The following CATSPERG variants were observed in gnomAD, a reference collection of about 807,000 sequenced individuals.
The protein encoded by CATSPERG is cation channel sperm-associated auxiliary subunit gamma.
Under a neutral mutation model 145.0 loss-of-function variants are expected in CATSPERG, and 115 were observed. The ratio of observed to expected loss-of-function variants is 0.79; its 90% confidence interval spans 0.68 to 0.93. The LOEUF (loss-of-function observed/expected upper bound fraction) is 0.93. CATSPERG is among the 40% of genes least tolerant of loss of function. The pLI is 0.00. For synonymous variants in CATSPERG, 588 were observed against 589.0 expected, an observed-to-expected ratio of 1.00 and a Z score of 0.02; for missense variants, 1,296 against 1,490.1, an observed-to-expected ratio of 0.87 and a Z score of 2.14.
At position 38,370,684 on chromosome 19, in the gene CATSPERG, G is replaced by A. The variant is rs1263097301; in HGVS notation, c.3372G>A (p.Ser1124=). ...CCTACGCCTCCATTTCCGGAATCTC[G>A]AGCATGCCGTCTCTGAGACATTCCA... ...YYTYASISGI[S]SMPSLRHSRM... The change falls in exon 29 of 29, where the codon TCG becomes TCA. Residue 1124 remains serine (S), a synonymous_variant. Transcript: ENST00000409235. The A allele has an allele frequency of 6.2e-6, 10 of 1,613,868 alleles. No homozygotes were observed. In the Admixed American group the frequency reaches 1.0e-4, roughly 16 times the overall value.
rs1376041020 is a variant in CATSPERG at position 38,370,052 on chromosome 19, T to C, written c.3101T>C (p.Leu1034Ser). The C allele has an allele frequency of 1.5e-5, 24 of 1,614,058 alleles. No homozygotes were observed. Among genetic ancestry groups the C allele is most frequent in the Non-Finnish European group, 1.7e-5 (20 of 1,180,036 alleles). The change falls in exon 27 of 29, where the codon TTG becomes TCG. Residue 1034 changes from leucine to serine, a missense_variant. Coordinates refer to ENST00000409235, the MANE Select transcript of CATSPERG (RefSeq NM_021185.5). Reference protein sequence around the residue: ...IFAPEFFFKVLVSNRGVDTST... With the variant: ...IFAPEFFFKVSVSNRGVDTST... Reference sequence around the variant, plus strand: ...GCCCCTGAATTCTTCTTCAAGGTGTTGGTGAGCAATAGGTGAGCCAGGCAA... The same window carrying C: ...GCCCCTGAATTCTTCTTCAAGGTGTCGGTGAGCAATAGGTGAGCCAGGCAA...
intron 6 of CATSPERG, among the ~76,000 whole-genome samples, chr19:38,344,852 AACAG>A (rs1700663347): frequency 8.3e-6 from 1 of 120,862 alleles, no homozygotes; most frequent in Non-Finnish European, 1.7e-5. Flanking sequence ...CCTGTACATG[AACAG>A]ACACACACAC....
rs751537581 is a variant in CATSPERG, at chr19:38,362,564, G to A, written c.2346G>A (p.Gln782=). Residue 782 remains glutamine (Q), a synonymous_variant, in exon 19 of 29, where the codon CAG becomes CAA. Coordinates refer to ENST00000409235, the MANE Select transcript of CATSPERG (RefSeq NM_021185.5). Reference sequence around the variant, plus strand: ...CGCAGGGCCACTCGTTCCGGACGCAGTCAGAACTCGGTCTGCGCGGGACCA... The same window carrying A: ...CGCAGGGCCACTCGTTCCGGACGCAATCAGAACTCGGTCTGCGCGGGACCA... ...LSAQGHSFRT[Q]SELGTAFQLH... 1.2e-6 allele frequency: 2 copies of A among 1,613,884 alleles called. No homozygotes were observed. The highest frequency in any genetic ancestry group is 1.1e-5 in the South Asian group (1 of 91,088).
intron 4 of CATSPERG, 53 bp downstream of exon 4, chr19:38,343,777 G>A: frequency 3.3e-6 from 5 of 1,525,594 alleles, no homozygotes; most frequent in Non-Finnish European, 4.4e-6. Flanking sequence ...TGTGGGGTTT[G>A]CTGGGGGCCT....
chr19:38,337,075 G>A (rs1266803818), intron 1 of CATSPERG, 146 bp from the exon 2 acceptor site: 11 of 968,308 alleles, frequency 1.1e-5, no homozygotes, highest in Non-Finnish European at 1.7e-5. Context: ...GCGGGACCAA[G>A]AGCAAGTGCA....
At chr19:38,336,301 GAC>G (rs1969834920) in intron 1 of CATSPERG, 1 of 436,462 alleles carries the variant, frequency 2.3e-6, no homozygotes, top group Non-Finnish European at 4.7e-6. Context: ...GAGGCGAAGA[GAC>G]AGTTTTCATC....
At position 38,367,248 on chromosome 19, in the gene CATSPERG, G is replaced by A. The variant is rs1237148373; in HGVS notation, c.2706G>A (p.Lys902=). The A allele has an allele frequency of 1.9e-6, 3 of 1,613,856 alleles. No individual in the cohort carries two copies. The highest frequency in any genetic ancestry group is 1.6e-4 in the Middle Eastern group (1 of 6,084). The part of the protein sequence containing the change: ...ITYTLEYSRL[K]NKHYFDCVNV... ...ACACGCTGGAATACAGCCGCCTGAA[G>A]AACAAACACTACTTTGACTGCGTTA... is the stretch of plus-strand genomic sequence containing the variant. The change falls in exon 23 of 29, where the codon AAG becomes AAA. Residue 902 remains lysine, a synonymous_variant. Coordinates refer to ENST00000409235, the MANE Select transcript of CATSPERG (RefSeq NM_021185.5).
chr19:38,344,314 C>T lies in CATSPERG; in HGVS notation c.615C>T (p.Asn205=), dbSNP rs560199397. The T allele has an allele frequency of 8.4e-4, 1,298 of 1,551,768 alleles. 24 individuals are homozygous for T. The South Asian group carries it at 0.013, about 16-fold the overall frequency. Residue 205 remains asparagine, a synonymous_variant, in exon 6 of 29, where the codon AAC becomes AAT. Coordinates refer to ENST00000409235, the MANE Select transcript of CATSPERG (RefSeq NM_021185.5). ...IPDKRFQMNI[N]GFLKRDRDNN... ...CTGCTAGGTTCCAGATGAATATCAACGGCTTCCTGAAGAGAGACCGGGACA... is the reference window on the plus strand; with the variant it reads ...CTGCTAGGTTCCAGATGAATATCAATGGCTTCCTGAAGAGAGACCGGGACA...
intron 1 of CATSPERG, chr19:38,336,262 G>A (rs1969833811): frequency 2.2e-6 from 1 of 455,130 alleles, no homozygotes; most frequent in Non-Finnish European, 4.4e-6. Context: ...TGTGGGGCGA[G>A]GAAACAACGA....
At chr19:38,359,398 G>A (rs530335886) in intron 13 of CATSPERG, 72 bp from the exon 14 acceptor site, 946 of 941,218 alleles carry the variant, frequency 1.0e-3, no homozygotes, top group Admixed American at 1.5e-3. Context: ...AGTGGCTCCC[G>A]TGTTATTAGG....
Position 38,358,493 on chromosome 19 carries a change from C to A in CATSPERG, c.1428C>A (p.Ala476=). 2 of 1,614,166 alleles carry A rather than the reference C, an allele frequency of 1.2e-6. No individual in the cohort carries two copies. Among genetic ancestry groups the A allele is most frequent in the African/African-American group, 1.3e-5 (1 of 75,050 alleles). The change falls in exon 13 of 29, where the codon GCC becomes GCA. Residue 476 remains alanine (A), a synonymous_variant. Coordinates refer to ENST00000409235, the MANE Select transcript of CATSPERG (RefSeq NM_021185.5). ...AGTCCTACACCAGCACTGCAATGGC[C>A]CCCAAGGGCATCTTCTGTAACCCGT... ...GTESYTSTAM[A]PKGIFCNPYN...
chr19:38,361,992 G>GGGGGGGGGGGGGGGGT, intron 17 of CATSPERG, 131 bp downstream of exon 17: 1 of 347,394 alleles, frequency 2.9e-6, no homozygotes, highest in Non-Finnish European at 5.6e-6. Flanking sequence ...GTGGGCGGGG[G>GGGGGGGGGGGGGGGGT]ACCTGGGGGC....
chr19:38,336,190 G>A lies in CATSPERG; in HGVS notation c.-15+315G>A, dbSNP rs74821786. ...GGGGCAAGAAGGTGTCGCGGTACGAGGGGAAGGTGAGACTCAAGAAGGTGC... is the reference window on the plus strand; with the variant it reads ...GGGGCAAGAAGGTGTCGCGGTACGAAGGGAAGGTGAGACTCAAGAAGGTGC... On this transcript the variant is annotated intron_variant, in intron 1 of 28. Transcript: ENST00000409235. The A allele has an allele frequency of 4.3e-3, 1,967 of 456,572 alleles. 31 individuals carry two copies. Among genetic ancestry groups the A allele is most frequent in the African/African-American group, 0.035 (1,759 of 50,104 alleles). 28.3% of individuals were successfully genotyped at this position (456,572 alleles called of 1,614,324 possible).
chr19:38,342,994 C>G lies in CATSPERG; in HGVS notation c.325-586C>G, dbSNP rs2270092. Reference sequence around the variant, plus strand: ...TCAAGGCCCAGAACTTGGCTGTCCTCTGACTTGCATAGGTGGCAGAAAGTC... The same window carrying G: ...TCAAGGCCCAGAACTTGGCTGTCCTGTGACTTGCATAGGTGGCAGAAAGTC... On this transcript the variant is annotated intron_variant, in intron 3 of 28. Coordinates refer to ENST00000409235, the MANE Select transcript of CATSPERG (RefSeq NM_021185.5). Among the ~76,000 whole-genome samples the G allele has an allele frequency of 2.5e-3, 376 of 152,282 alleles. 10 individuals carry two copies. In the East Asian group the frequency reaches 0.048, roughly 20 times the overall value.
chr19:38,368,260 T>A, intron 26 of CATSPERG, 123 bp downstream of exon 26: 1 of 783,802 alleles, frequency 1.3e-6, no homozygotes, highest in Non-Finnish European at 2.1e-6. Context: ...TTGTGTTACT[T>A]AAATGGGGCT....
At chr19:38,353,027 C>CAAAA (rs61080753) in intron 8 of CATSPERG, among the ~76,000 whole-genome samples, 5 of 61,548 alleles carry the variant, frequency 8.1e-5, no homozygotes, top group Non-Finnish European at 1.2e-4. Flanking sequence ...GACCCTGTTT[C>CAAAA]AAAAAAAAAA....
intron 3 of CATSPERG, among the ~76,000 whole-genome samples, chr19:38,339,808 A>G (rs934483906): frequency 7.9e-5 from 12 of 151,706 alleles, no homozygotes; most frequent in African/African-American, 2.7e-4. Context: ...GTGAGGTCCA[A>G]GCTTTTACAC....
intron 3 of CATSPERG, among the ~76,000 whole-genome samples, chr19:38,339,080 A>C (rs1969894049): frequency 6.6e-6 from 1 of 152,002 alleles, no homozygotes; most frequent in South Asian, 2.1e-4. Flanking sequence ...GAGCTCTGGG[A>C]GCCCACGCTA....
chr19:38,345,090 C>CATT (rs1290718020), intron 6 of CATSPERG, among the ~76,000 whole-genome samples: 11 of 148,724 alleles, frequency 7.4e-5, no homozygotes, highest in African/African-American at 1.5e-4. Context: ...AATTAATTAT[C>CATT]ATTATTATTA....
Sources: gnomAD v4.1 joint callset for allele counts (sites outside exome capture counted in the v4.1 genomes callset) on GRCh38, gnomAD v4.1.1 for gene constraint, MANE v1.5 for transcripts, NCBI Gene and HGNC (gene_info 2026-07-23, HGNC 2026-07-21) for gene names.